Variants in TMC8 observed in about 807,000 individuals in gnomAD.
TMC8 encodes the protein transmembrane channel like 8, also known as transmembrane channel-like protein 8.
In TMC8, 71 loss-of-function variants were observed where a neutral mutation model predicts 76.0. That is an observed-to-expected ratio of 0.93 (90% CI 0.77 to 1.14). The LOEUF (loss-of-function observed/expected upper bound fraction) is 1.14. Among genes scored for constraint, TMC8 ranks in the 50% most tolerant of loss-of-function variants. The probability of loss-of-function intolerance (pLI) is 0.00; values close to 1 mark genes in which losing one functional copy is unlikely to be tolerated. For synonymous variants in TMC8, 433 were observed against 433.8 expected (o/e 1.00, Z 0.02); for missense variants, 924 against 947.9 (o/e 0.97, Z 0.33).
At position 78,132,049 on chromosome 17, in the gene TMC8, G is replaced by A. The variant is rs1323652589; in HGVS notation, c.298+19G>A. On this transcript the variant is annotated intron_variant, in intron 3 of 15. Transcript: ENST00000318430. ...ATCGGGGGTAGGACCCGCGCGACCC[G>A]CACCTCCCCTTGCCCTCTCTGGAGC... The A allele has an allele frequency of 2.0e-6, 3 of 1,534,482 alleles. No homozygotes were observed. The highest frequency in any genetic ancestry group is 2.0e-5 in the Admixed American group (1 of 50,930).
chr17:78,132,145 C>G lies in TMC8; in HGVS notation c.298+115C>G, dbSNP rs743048. ...CCTTCACCCGGGTCCCCCGACCAAT[C>G]GGCCCCTCCCCCCTCCCACCCCTTC... is the stretch of plus-strand genomic sequence containing the variant. On this transcript the variant is annotated intron_variant, in intron 3 of 15. Coordinates refer to ENST00000318430, the MANE Select transcript of TMC8 (RefSeq NM_152468.5). 0.011 allele frequency: 16,590 copies of G among 1,479,124 alleles called. 1,137 individuals carry two copies. In the African/African-American group the frequency reaches 0.17, roughly 15 times the overall value. The allele number at this position is 1,479,124 out of a possible 1,614,324, so 91.6% of individuals were successfully genotyped here.
At position 78,131,438 on chromosome 17, in the gene TMC8, C is replaced by A. The variant is rs1568010833; in HGVS notation, c.-151C>A. 2.7e-6 allele frequency: 3 copies of A among 1,120,726 alleles called. No individual in the cohort carries two copies. The highest frequency in any genetic ancestry group is 2.1e-5 in the Admixed American group (1 of 46,866). The allele number at this position is 1,120,726 out of a possible 1,614,324, so 69.4% of individuals were successfully genotyped here. A position where few individuals can be genotyped will look rare whatever the true frequency, so the allele number is the denominator to read the frequency against. On this transcript the variant is annotated 5_prime_UTR_variant, in exon 2 of 16. Transcript: ENST00000318430. ...AACCCTAGGGCTGCAGGAGCCCAGG[C>A]CCCGACGCCGGCGCAGAGGGGACGG...
rs2075290695 is a variant in TMC8 at position 78,138,385 on chromosome 17, C to T, written c.1570C>T (p.Pro524Ser). The change falls in exon 13 of 16, where the codon CCC becomes TCC. Residue 524 changes from proline (P) to serine (S), a missense_variant. Pro to Ser is a moderately conservative substitution (Grantham distance 74). Transcript: ENST00000318430. ...LLKNSRASSR[P>S]FRASSSTFFF... Reference sequence around the variant, plus strand: ...GAAGAACTCCAGGGCATCTTCGCGGCCCTTCCGTGCCTCCAGCTCCACCTT... The same window carrying T: ...GAAGAACTCCAGGGCATCTTCGCGGTCCTTCCGTGCCTCCAGCTCCACCTT... 1 of 1,611,726 alleles carries T rather than the reference C, an allele frequency of 6.2e-7. No individual in the cohort carries two copies. Among genetic ancestry groups the T allele is most frequent in the African/African-American group, 1.3e-5 (1 of 74,928 alleles).
At chr17:78,135,796 G>T (rs139555116) in intron 9 of TMC8, among the ~76,000 whole-genome samples, 1 of 152,182 alleles carries the variant, frequency 6.6e-6, no homozygotes, top group Non-Finnish European at 1.5e-5. Flanking sequence ...GGTGGCTCAC[G>T]CCTGTAATCC....
chr17:78,133,577 A>T, intron 6 of TMC8, 35 bp downstream of exon 6: 1 of 1,605,736 alleles, frequency 6.2e-7, no homozygotes. Context: ...CCCCTTCCCC[A>T]GGGAATCTTC....
chr17:78,132,307 G>GGCCCCA (rs1477059136), intron 3 of TMC8, 52 bp from the exon 4 acceptor site: 4 of 1,604,782 alleles, frequency 2.5e-6, no homozygotes, highest in Middle Eastern at 1.7e-4. Flanking sequence ...CTCTCAGCGC[G>GGCCCCA]GCCCCAGCCC....
rs779822152 is a variant in TMC8, at chr17:78,138,674, C to T, written c.1765C>T (p.Arg589Cys). Reference sequence around the variant, plus strand: ...CCTTGGGCTCCCGCCCATTGGCCAGCGTGCCCTCCACTACCTGGGCTCCCA... The same window carrying T: ...CCTTGGGCTCCCGCCCATTGGCCAGTGTGCCCTCCACTACCTGGGCTCCCA... ...VALGLPPIGQ[R>C]ALHYLGSHAF... The change falls in exon 14 of 16, where the codon CGT (arginine) becomes TGT (cysteine). Residue 589 changes from arginine (R) to cysteine (C), a missense_variant. Coordinates refer to ENST00000318430, the MANE Select transcript of TMC8 (RefSeq NM_152468.5). 1.9e-5 allele frequency: 31 copies of T among 1,613,316 alleles called. No homozygotes were observed. Among genetic ancestry groups the T allele is most frequent in the Middle Eastern group, 1.6e-4 (1 of 6,084 alleles).
At chr17:78,132,207 A>AC (rs1568013434) in intron 3 of TMC8, 152 bp from the exon 4 acceptor site, 1 of 1,370,066 alleles carries the variant, frequency 7.3e-7, no homozygotes, top group South Asian at 1.3e-5. Flanking sequence ...CCCACGCAGC[A>AC]CCCCCAGGTG....
At chr17:78,139,744 A>C (rs999259925) in intron 15 of TMC8, among the ~76,000 whole-genome samples, 1 of 150,786 alleles carries the variant, frequency 6.6e-6, no homozygotes, top group Non-Finnish European at 1.5e-5. Context: ...AAAAAAAAAA[A>C]AAAAAAAAAC....
Position 78,140,885 on chromosome 17 carries a change from G to T in TMC8, c.1954G>T (p.Glu652Ter). ...GGAGGACCTGTCGCGACTGCTGCCGGAGCCAGGCCCGAGCGACTCTCCGGG... is the reference window on the plus strand; with the variant it reads ...GGAGGACCTGTCGCGACTGCTGCCGTAGCCAGGCCCGAGCGACTCTCCGGG... ...LVEDLSRLLP[E>*]PGPSDSPGPK... is the part of the protein sequence containing the mutation. The change falls in exon 16 of 16, where the codon GAG (glutamate) becomes TAG (stop). Residue 652 changes from glutamate to a stop codon, truncating the protein, a stop_gained. Coordinates refer to ENST00000318430, the MANE Select transcript of TMC8 (RefSeq NM_152468.5). LOFTEE classifies it low-confidence loss of function (END_TRUNC). The T allele has an allele frequency of 6.2e-7, 1 of 1,609,984 alleles. No individual in the cohort carries two copies. The highest frequency in any genetic ancestry group is 8.5e-7 in the Non-Finnish European group (1 of 1,178,862).
At position 78,137,769 on chromosome 17, in the gene TMC8, T is replaced by G. The variant is rs2075271531; in HGVS notation, c.1304T>G (p.Phe435Cys). ...CTGTACAAGCTGAGTATCTTCAACTTCCTCCTCACCGTGGCCTTCGCCTTC... is the reference window on the plus strand; with the variant it reads ...CTGTACAAGCTGAGTATCTTCAACTGCCTCCTCACCGTGGCCTTCGCCTTC... The part of the protein sequence containing the change: ...EELYKLSIFN[F>C]LLTVAFAFLV... Residue 435 changes from phenylalanine to cysteine, a missense_variant, in exon 11 of 16, where the codon TTC becomes TGC. Physicochemically the swap from Phe to Cys is radical, Grantham distance 205 (BLOSUM62 -2). Coordinates refer to ENST00000318430, the MANE Select transcript of TMC8 (RefSeq NM_152468.5). 2 of 1,613,464 alleles carry G rather than the reference T, an allele frequency of 1.2e-6. No homozygotes were observed. The highest frequency in any genetic ancestry group is 1.7e-6 in the Non-Finnish European group (2 of 1,180,016).
rs1319853758 is a variant in TMC8, at chr17:78,130,835, G to A, written c.-325G>A. 2.0e-5 allele frequency: 3 copies of A among 152,900 alleles called. No homozygotes were observed. Among genetic ancestry groups the A allele is most frequent in the Non-Finnish European group, 4.4e-5 (3 of 68,438 alleles). The allele number at this position is 152,900 out of a possible 1,614,324, so 9.5% of individuals were successfully genotyped here. Reference sequence around the variant, plus strand: ...GAGAAGGGGACTCCTCCAGGGACTTGGTCCCTAGGTCCCCAGGTGAGCTGG... The same window carrying A: ...GAGAAGGGGACTCCTCCAGGGACTTAGTCCCTAGGTCCCCAGGTGAGCTGG... On this transcript the variant is annotated 5_prime_UTR_variant, in exon 1 of 16. Transcript: ENST00000318430.
intron 11 of TMC8, 88 bp from the exon 12 acceptor site, chr17:78,137,917 G>C: frequency 1.3e-6 from 2 of 1,599,058 alleles, no homozygotes; most frequent in African/African-American, 1.3e-5. Flanking sequence ...TGTGGAGCCC[G>C]GGAGTAAGTG....
In TMC8 at chr17:78,133,352, C is replaced by T. The variant is rs1177949845; in HGVS notation, c.532-54C>T. The T allele has an allele frequency of 2.5e-6, 4 of 1,612,866 alleles. No individual in the cohort carries two copies. The Admixed American group carries it at 5.0e-5, about 20-fold the overall frequency. Reference sequence around the variant, plus strand: ...CTAACAAGATCATATATGGAAAGCACTTGAGCAGAGCCTGGTGCTCACCCG... The same window carrying T: ...CTAACAAGATCATATATGGAAAGCATTTGAGCAGAGCCTGGTGCTCACCCG... On this transcript the variant is annotated intron_variant, in intron 5 of 15. Transcript: ENST00000318430.
In TMC8 at chr17:78,142,808, C is replaced by A. The variant is rs2075394349; in HGVS notation, c.*1696C>A. The A allele has an allele frequency of 1.3e-5, 2 of 152,258 alleles. No individual in the cohort carries two copies. Among genetic ancestry groups the A allele is most frequent in the African/African-American group, 2.4e-5 (1 of 41,448 alleles). 9.4% of individuals were successfully genotyped at this position (152,258 alleles called of 1,614,324 possible). ...CAGAGCATCCCTTTGGCAAACCATA[C>A]TGAGAAACAACCACGTGCATCACCA... On this transcript the variant is annotated 3_prime_UTR_variant, in exon 16 of 16. Transcript: ENST00000318430.
chr17:78,133,312 G>A, intron 5 of TMC8, 94 bp from the exon 6 acceptor site: 1 of 1,593,420 alleles, frequency 6.3e-7, no homozygotes, highest in South Asian at 1.1e-5. Flanking sequence ...ACCTGATGGG[G>A]GGATTGCACG....
intron 15 of TMC8, 26 bp from the exon 16 acceptor site, chr17:78,140,808 C>T: frequency 1.3e-6 from 2 of 1,591,882 alleles, no homozygotes; most frequent in Non-Finnish European, 1.7e-6. Flanking sequence ...GCGCCTGTCG[C>T]AACTCGCCAC....
rs776097975 is a variant in TMC8, at chr17:78,141,087, G to A, written c.2156G>A (p.Arg719His). The A allele has an allele frequency of 1.6e-5, 25 of 1,581,780 alleles. No individual in the cohort carries two copies. Among genetic ancestry groups the A allele is most frequent in the African/African-American group, 6.7e-5 (5 of 74,112 alleles). ...GCCCCGGCCTCCGCCCGCAGATTCC[G>A]CTTCCCCAGCGGCGCGGAGCTGTAA... ...HGAPASARRF[R>H]FPSGAEL is the part of the protein sequence containing the mutation. The change falls in exon 16 of 16, where the codon CGC (arginine) becomes CAC (histidine). Residue 719 changes from arginine (R) to histidine (H), a missense_variant. Physicochemically the swap from Arg to His is conservative, Grantham distance 29 (BLOSUM62 0). Coordinates refer to ENST00000318430, the MANE Select transcript of TMC8 (RefSeq NM_152468.5).
At position 78,132,560 on chromosome 17, in the gene TMC8, G is replaced by T. The variant is rs540816307; in HGVS notation, c.448+52G>T. ...TGCTCCGGTGCCCACCTGCGCCATGGGGGGGCTGGCCCAGGGCCCAGAGCG... is the reference window on the plus strand; with the variant it reads ...TGCTCCGGTGCCCACCTGCGCCATGTGGGGGCTGGCCCAGGGCCCAGAGCG... On this transcript the variant is annotated intron_variant, in intron 4 of 15. Transcript: ENST00000318430. 644 of 1,579,814 alleles carry T rather than the reference G, an allele frequency of 4.1e-4. 3 individuals carry two copies. The East Asian group carries it at 0.014, about 34-fold the overall frequency.
Sources: gnomAD v4.1 joint callset for allele counts (sites outside exome capture counted in the v4.1 genomes callset) on GRCh38, gnomAD v4.1.1 for gene constraint, MANE v1.5 for transcripts, NCBI Gene and HGNC (gene_info 2026-07-23, HGNC 2026-07-21) for gene names.